The following IFNA1 variants were observed in gnomAD, a reference collection of about 807,000 sequenced individuals.
IFNA1 encodes the protein interferon alpha-1.
For missense variants in IFNA1, 130 were observed against 219.8 expected, an observed-to-expected ratio of 0.59 and a Z score of 2.58; for synonymous variants, 52 against 86.8, an observed-to-expected ratio of 0.60 and a Z score of 2.23.
Position 21,440,863 on chromosome 9 carries a change from T to C in IFNA1, c.356T>C (p.Leu119Ser). Residue 119 changes from leucine (L) to serine (S), a missense_variant, in exon 1 of 1, where the codon TTG becomes TCG. By Grantham distance (145) the Leu-to-Ser change is moderately radical (BLOSUM62 -2). Transcript: ENST00000276927. ...CTELYQQLND[L>S]EACVMQEERV... ...GAACTCTACCAGCAGCTGAATGACT[T>C]GGAAGCCTGTGTGATGCAGGAGGAG... 2 of 1,530,646 alleles carry C rather than the reference T, an allele frequency of 1.3e-6. No individual in the cohort carries two copies. The highest frequency in any genetic ancestry group is 1.8e-6 in the Non-Finnish European group (2 of 1,136,484). The allele number at this position is 1,530,646 out of a possible 1,614,324, so 94.8% of individuals were successfully genotyped here.
chr9:21,440,793 T>C lies in IFNA1; in HGVS notation c.286T>C (p.Ser96Pro), dbSNP rs775633472. 94 of 1,416,670 alleles carry C rather than the reference T, an allele frequency of 6.6e-5. No homozygotes were observed. In the Middle Eastern group the frequency reaches 1.5e-3, roughly 22 times the overall value. The allele number at this position is 1,416,670 out of a possible 1,614,324, so 87.8% of individuals were successfully genotyped here. Reference protein sequence around the residue: ...QIFNLFTTKDSSAAWDEDLLD... With the variant: ...QIFNLFTTKDPSAAWDEDLLD... ...CTTCAACCTCTTTACCACAAAAGAT[T>C]CATCTGCTGCTTGGGATGAGGACCT... The change falls in exon 1 of 1, where the codon TCA becomes CCA. Residue 96 changes from serine to proline, a missense_variant. By Grantham distance (74) the Ser-to-Pro change is moderately conservative. Coordinates refer to ENST00000276927, the MANE Select transcript of IFNA1 (RefSeq NM_024013.3).
Position 21,440,981 on chromosome 9 carries a change from A to G in IFNA1, c.474A>G (p.Lys158=), listed in dbSNP as rs528473053. 6.2e-7 allele frequency: 1 copy of G among 1,604,112 alleles called. No individual in the cohort carries two copies. The highest frequency in any genetic ancestry group is 8.5e-7 in the Non-Finnish European group (1 of 1,177,964). Residue 158 remains lysine (K), a synonymous_variant, in exon 1 of 1, where the codon AAA becomes AAG. Transcript: ENST00000276927. The stretch of plus-strand genomic sequence containing the variant: ...TCACTCTCTATCTGACAGAGAAGAA[A>G]TACAGCCCTTGTGCCTGGGAGGTTG... ...RRITLYLTEK[K]YSPCAWEVVR...
In IFNA1 at chr9:21,441,074, A is replaced by G. The variant is rs754412694; in HGVS notation, c.567A>G (p.Glu189=). 1.9e-6 allele frequency: 3 copies of G among 1,612,676 alleles called. No individual in the cohort carries two copies. The highest frequency in any genetic ancestry group is 2.5e-6 in the Non-Finnish European group (3 of 1,179,956). ...TNLQERLRRK[E] Reference sequence around the variant, plus strand: ...TGCAAGAAAGATTAAGGAGGAAGGAATAACATCTGGTCCAACATGAAAACA... The same window carrying G: ...TGCAAGAAAGATTAAGGAGGAAGGAGTAACATCTGGTCCAACATGAAAACA... Residue 189 remains glutamate, a synonymous_variant, in exon 1 of 1, where the codon GAA becomes GAG. Coordinates refer to ENST00000276927, the MANE Select transcript of IFNA1 (RefSeq NM_024013.3).
rs1214709644 is a variant in IFNA1, at chr9:21,440,759, C to T, written c.252C>T (p.Ile84=). ...APAISVLHEL[I]QQIFNLFTTK... ...CCATCTCTGTCCTCCATGAGCTGAT[C>T]CAGCAGATCTTCAACCTCTTTACCA... The change falls in exon 1 of 1, where the codon ATC becomes ATT. Residue 84 remains isoleucine (I), a synonymous_variant. Transcript: ENST00000276927. The T allele has an allele frequency of 6.9e-7, 1 of 1,457,924 alleles. No homozygotes were observed. Among genetic ancestry groups the T allele is most frequent in the Non-Finnish European group, 9.3e-7 (1 of 1,070,214 alleles). The allele number at this position is 1,457,924 out of a possible 1,614,324, so 90.3% of individuals were successfully genotyped here. A position where few individuals can be genotyped will look rare whatever the true frequency, so the allele number is the denominator to read the frequency against.
chr9:21,440,453 C>T lies in IFNA1; in HGVS notation c.-55C>T. The T allele has an allele frequency of 1.9e-6, 3 of 1,600,660 alleles. No homozygotes were observed. The highest frequency in any genetic ancestry group is 1.7e-6 in the Non-Finnish European group (2 of 1,172,706). On this transcript the variant is annotated 5_prime_UTR_variant, in exon 1 of 1. Transcript: ENST00000276927. Reference sequence around the variant, plus strand: ...GCAAGGCCTTCAGAGAACCTAGAGCCCAAGGTTCAGAGTCACCCATCTCAG... The same window carrying T: ...GCAAGGCCTTCAGAGAACCTAGAGCTCAAGGTTCAGAGTCACCCATCTCAG...
Position 21,440,518 on chromosome 9 carries a change from C to G in IFNA1, c.11C>G (p.Pro4Arg). Reference protein sequence around the residue: MASPFALLMVLVVL... With the variant: MASRFALLMVLVVL... ...TCTGCAATATCTACGATGGCCTCGCCCTTTGCTTTACTGATGGTCCTGGTG... is the reference window on the plus strand; with the variant it reads ...TCTGCAATATCTACGATGGCCTCGCGCTTTGCTTTACTGATGGTCCTGGTG... Residue 4 changes from proline (P) to arginine (R), a missense_variant, in exon 1 of 1, where the codon CCC becomes CGC. By Grantham distance (103) the Pro-to-Arg change is moderately radical (BLOSUM62 -2). Transcript: ENST00000276927. The G allele has an allele frequency of 6.8e-6, 11 of 1,614,096 alleles. No individual in the cohort carries two copies. The highest frequency in any genetic ancestry group is 9.3e-6 in the Non-Finnish European group (11 of 1,179,984).
Position 21,440,470 on chromosome 9 carries a change from C to G in IFNA1, c.-38C>G, listed in dbSNP as rs1818357945. The G allele has an allele frequency of 1.2e-6, 2 of 1,611,438 alleles. No individual in the cohort carries two copies. Among genetic ancestry groups the G allele is most frequent in the Non-Finnish European group, 1.7e-6 (2 of 1,178,936 alleles). On this transcript the variant is annotated 5_prime_UTR_variant, in exon 1 of 1. Transcript: ENST00000276927. The stretch of plus-strand genomic sequence containing the variant: ...CCTAGAGCCCAAGGTTCAGAGTCAC[C>G]CATCTCAGCAAGCCCAGAAGTATCT...
rs1818364249 is a variant in IFNA1, at chr9:21,440,880, CAGG to C, written c.379_381del (p.Glu127del). The C allele has an allele frequency of 1.9e-6, 3 of 1,553,430 alleles. No homozygotes were observed. Among genetic ancestry groups the C allele is most frequent in the Non-Finnish European group, 1.7e-6 (2 of 1,150,256 alleles). ...GAATGACTTGGAAGCCTGTGTGATG[CAGG>C]AGGAGAGGGTGGGAGAAACTCCCCT... On this transcript the variant is annotated inframe_deletion, in exon 1 of 1. Coordinates refer to ENST00000276927, the MANE Select transcript of IFNA1 (RefSeq NM_024013.3).
rs1818359783 is a variant in IFNA1, at chr9:21,440,580, G to A, written c.73G>A (p.Asp25Asn). ...CAAGTCAAGCTGCTCTCTGGGCTGT[G>A]ATCTCCCTGAGACCCACAGCCTGGA... Reference protein sequence around the residue: ...SCKSSCSLGCDLPETHSLDNR... With the variant: ...SCKSSCSLGCNLPETHSLDNR... The change falls in exon 1 of 1, where the codon GAT becomes AAT. Residue 25 changes from aspartate (D) to asparagine (N), a missense_variant. Asp to Asn is a conservative substitution (Grantham distance 23). Coordinates refer to ENST00000276927, the MANE Select transcript of IFNA1 (RefSeq NM_024013.3). The A allele has an allele frequency of 3.1e-6, 5 of 1,613,582 alleles. No homozygotes were observed. The highest frequency in any genetic ancestry group is 2.7e-5 in the African/African-American group (2 of 74,828).
At position 21,440,994 on chromosome 9, in the gene IFNA1, G is replaced by T. The variant is rs773260483; in HGVS notation, c.487G>T (p.Ala163Ser). Residue 163 changes from alanine (A) to serine (S), a missense_variant, in exon 1 of 1, where the codon GCC (alanine) becomes TCC (serine). Physicochemically the swap from Ala to Ser is moderately conservative, Grantham distance 99 (BLOSUM62 1). Coordinates refer to ENST00000276927, the MANE Select transcript of IFNA1 (RefSeq NM_024013.3). ...YLTEKKYSPC[A>S]WEVVRAEIMR... ...GACAGAGAAGAAATACAGCCCTTGTGCCTGGGAGGTTGTCAGAGCAGAAAT... is the reference window on the plus strand; with the variant it reads ...GACAGAGAAGAAATACAGCCCTTGTTCCTGGGAGGTTGTCAGAGCAGAAAT... 3.8e-6 allele frequency: 6 copies of T among 1,594,662 alleles called. No individual in the cohort carries two copies. The South Asian group carries it at 4.6e-5, about 12-fold the overall frequency.
chr9:21,440,980 A>C lies in IFNA1; in HGVS notation c.473A>C (p.Lys158Thr). Residue 158 changes from lysine to threonine, a missense_variant, in exon 1 of 1, where the codon AAA becomes ACA. By Grantham distance (78) the Lys-to-Thr change is moderately conservative. Transcript: ENST00000276927. ...ATCACTCTCTATCTGACAGAGAAGA[A>C]ATACAGCCCTTGTGCCTGGGAGGTT... Reference protein sequence around the residue: ...RRITLYLTEKKYSPCAWEVVR... With the variant: ...RRITLYLTEKTYSPCAWEVVR... 1 of 1,603,998 alleles carries C rather than the reference A, an allele frequency of 6.2e-7. No homozygotes were observed.
rs1818370221 is a variant in IFNA1, at chr9:21,441,251, C to T, written c.*174C>T. On this transcript the variant is annotated 3_prime_UTR_variant, in exon 1 of 1. Coordinates refer to ENST00000276927, the MANE Select transcript of IFNA1 (RefSeq NM_024013.3). ...TCATAAGATTTAAATTATTTTTGTT[C>T]ATATAACGTCATGTGCACCTTTACA... The T allele has an allele frequency of 1.0e-6, 1 of 1,003,078 alleles. No individual in the cohort carries two copies. Among genetic ancestry groups the T allele is most frequent in the Non-Finnish European group, 1.4e-6 (1 of 712,136 alleles). The allele number at this position is 1,003,078 out of a possible 1,614,324, so 62.1% of individuals were successfully genotyped here. A position where few individuals can be genotyped will look rare whatever the true frequency, so the allele number is the denominator to read the frequency against.
In IFNA1 at chr9:21,440,851, A is replaced by G. The variant is rs1177062479; in HGVS notation, c.344A>G (p.Gln115Arg). ...AAATTCTGCACCGAACTCTACCAGC[A>G]GCTGAATGACTTGGAAGCCTGTGTG... ...LDKFCTELYQ[Q>R]LNDLEACVMQ... Residue 115 changes from glutamine (Q) to arginine (R), a missense_variant, in exon 1 of 1, where the codon CAG (glutamine) becomes CGG (arginine). Gln to Arg is a conservative substitution (Grantham distance 43). Coordinates refer to ENST00000276927, the MANE Select transcript of IFNA1 (RefSeq NM_024013.3). The G allele has an allele frequency of 6.6e-7, 1 of 1,505,592 alleles. No individual in the cohort carries two copies. Among genetic ancestry groups the G allele is most frequent in the Non-Finnish European group, 8.9e-7 (1 of 1,118,910 alleles). The allele number at this position is 1,505,592 out of a possible 1,614,324, so 93.3% of individuals were successfully genotyped here. A position where few individuals can be genotyped will look rare whatever the true frequency, so the allele number is the denominator to read the frequency against.
In IFNA1 at chr9:21,441,156, C is replaced by A. The variant is rs186388485; in HGVS notation, c.*79C>A. ...TTCATGAATTCTGTCATTTCAAAGA[C>A]TCTCACCCCTGCTATAACTATGACC... On this transcript the variant is annotated 3_prime_UTR_variant, in exon 1 of 1. Coordinates refer to ENST00000276927, the MANE Select transcript of IFNA1 (RefSeq NM_024013.3). The A allele has an allele frequency of 2.8e-4, 439 of 1,580,104 alleles. 1 individual carries two copies. Among genetic ancestry groups the A allele is most frequent in the Non-Finnish European group, 3.6e-4 (417 of 1,162,704 alleles).
In IFNA1 at chr9:21,441,160, C is replaced by G; in HGVS notation, c.*83C>G. 6.3e-7 allele frequency: 1 copy of G among 1,575,926 alleles called. No homozygotes were observed. Among genetic ancestry groups the G allele is most frequent in the African/African-American group, 1.4e-5 (1 of 73,162 alleles). Reference sequence around the variant, plus strand: ...TGAATTCTGTCATTTCAAAGACTCTCACCCCTGCTATAACTATGACCATGC... The same window carrying G: ...TGAATTCTGTCATTTCAAAGACTCTGACCCCTGCTATAACTATGACCATGC... On this transcript the variant is annotated 3_prime_UTR_variant, in exon 1 of 1. Coordinates refer to ENST00000276927, the MANE Select transcript of IFNA1 (RefSeq NM_024013.3).
In IFNA1 at chr9:21,441,259, G is replaced by A. The variant is rs41306087; in HGVS notation, c.*182G>A. 188 of 933,416 alleles carry A rather than the reference G, an allele frequency of 2.0e-4. 2 individuals carry two copies. The South Asian group carries it at 2.9e-3, about 15-fold the overall frequency. 57.8% of individuals were successfully genotyped at this position (933,416 alleles called of 1,614,324 possible). Reference sequence around the variant, plus strand: ...TTTAAATTATTTTTGTTCATATAACGTCATGTGCACCTTTACACTGTGGTT... The same window carrying A: ...TTTAAATTATTTTTGTTCATATAACATCATGTGCACCTTTACACTGTGGTT... On this transcript the variant is annotated 3_prime_UTR_variant, in exon 1 of 1. Transcript: ENST00000276927.
chr9:21,440,721 C>T, the IFNA1 span: 2 of 1,556,412 alleles, frequency 1.3e-6, no homozygotes, highest in Non-Finnish European at 1.8e-6. Context: ...CAACCAGTTC[C>T]AGAAGGCTCC....
At position 21,440,633 on chromosome 9, in the gene IFNA1, A is replaced by C. The variant is rs1283133807; in HGVS notation, c.126A>C (p.Ala42=). 1 of 1,611,610 alleles carries C rather than the reference A, an allele frequency of 6.2e-7. No homozygotes were observed. The highest frequency in any genetic ancestry group is 8.5e-7 in the Non-Finnish European group (1 of 1,179,124). ...ACAGGAGGACCTTGATGCTCCTGGCACAAATGAGCAGAATCTCTCCTTCCT... is the reference window on the plus strand; with the variant it reads ...ACAGGAGGACCTTGATGCTCCTGGCCCAAATGAGCAGAATCTCTCCTTCCT... The part of the protein sequence containing the change: ...LDNRRTLMLL[A]QMSRISPSSC... The change falls in exon 1 of 1, where the codon GCA becomes GCC. Residue 42 remains alanine, a synonymous_variant. Transcript: ENST00000276927.
In IFNA1 at chr9:21,441,098, C is replaced by T; in HGVS notation, c.*21C>T. ...AATAACATCTGGTCCAACATGAAAA[C>T]AATTCTTATTGACTCATACACCAGG... On this transcript the variant is annotated 3_prime_UTR_variant, in exon 1 of 1. Transcript: ENST00000276927. 6.2e-7 allele frequency: 1 copy of T among 1,612,550 alleles called. No homozygotes were observed.
Sources: gnomAD v4.1 joint callset for allele counts on GRCh38, gnomAD v4.1.1 for gene constraint, MANE v1.5 for transcripts, NCBI Gene and HGNC (gene_info 2026-07-23, HGNC 2026-07-21) for gene names.